The following TDRD9 variants were observed in gnomAD, a reference collection of about 807,000 sequenced individuals.
The protein encoded by TDRD9 is tudor domain containing 9.
A neutral mutation model predicts 172.6 loss-of-function variants in TDRD9; 124 were observed. That is an observed-to-expected ratio of 0.72 (90% CI 0.62 to 0.83). TDRD9 has a LOEUF of 0.83. Ranked by LOEUF, TDRD9 falls within the 40% of genes least tolerant of loss-of-function variation. TDRD9 has a pLI of 0.00. For synonymous variants in TDRD9, 619 were observed against 617.1 expected, an observed-to-expected ratio of 1.00 and a Z score of -0.05; for missense variants, 1,479 against 1,714.1, an observed-to-expected ratio of 0.86 and a Z score of 2.42.
intron 22 of TDRD9, 44 bp downstream of exon 22, chr14:104,016,132 C>A: frequency 1.5e-6 from 2 of 1,357,418 alleles, no homozygotes; most frequent in Non-Finnish European, 2.0e-6. Context: ...TGTGGTGGGG[C>A]AGAACATTTT....
Position 104,042,206 on chromosome 14 carries a change from C to A in TDRD9, c.3974+19C>A. The A allele has an allele frequency of 6.5e-7, 1 of 1,540,258 alleles. No individual in the cohort carries two copies. The highest frequency in any genetic ancestry group is 9.0e-7 in the Non-Finnish European group (1 of 1,113,938). ...TTTTAGGGTAAGCTGTGTGATGACG[C>A]GGGCTTCTTTTCTTCCCAGTCAACT... On this transcript the variant is annotated intron_variant, in intron 34 of 35. Coordinates refer to ENST00000409874, the MANE Select transcript of TDRD9 (RefSeq NM_153046.3).
rs757851866 is a variant in TDRD9 at position 103,975,497 on chromosome 14, C to T, written c.955C>T (p.Pro319Ser). 5.0e-6 allele frequency: 8 copies of T among 1,613,340 alleles called. No individual in the cohort carries two copies. In the Admixed American group the frequency reaches 1.3e-4, roughly 27 times the overall value. The change falls in exon 7 of 36, where the codon CCC (proline) becomes TCC (serine). Residue 319 changes from proline (P) to serine (S), a missense_variant. Physicochemically the swap from Pro to Ser is moderately conservative, Grantham distance 74. Coordinates refer to ENST00000409874, the MANE Select transcript of TDRD9 (RefSeq NM_153046.3). ...ATATATTTTTGAAGTGGAAGGCAAG[C>T]CCCATTCAGTTGAAGAGTATTATCT... ...PAYIFEVEGK[P>S]HSVEEYYLND... is the part of the protein sequence containing the mutation.
At chr14:104,046,320 T>G (rs2140932547) in intron 34 of TDRD9, among the ~76,000 whole-genome samples, 1 of 152,366 alleles carries the variant, frequency 6.6e-6, no homozygotes, top group Non-Finnish European at 1.5e-5. Flanking sequence ...CTTGTTAAAC[T>G]GAAGGTCACA....
intron 2 of TDRD9, among the ~76,000 whole-genome samples, chr14:103,962,835 T>C (rs183373869): frequency 6.6e-6 from 1 of 152,344 alleles, no homozygotes; most frequent in East Asian, 1.9e-4. Context: ...GGCTGCATAT[T>C]ATTCCATGGT....
intron 13 of TDRD9, among the ~76,000 whole-genome samples, chr14:104,001,397 C>T (rs920503925): frequency 6.6e-6 from 1 of 152,220 alleles, no homozygotes; most frequent in Non-Finnish European, 1.5e-5. Flanking sequence ...ACAAGCTGCA[C>T]GTAGCAGTGG....
intron 23 of TDRD9, among the ~76,000 whole-genome samples, chr14:104,018,838 T>A (rs2152235702): frequency 6.6e-6 from 1 of 152,320 alleles, no homozygotes; most frequent in Admixed American, 6.5e-5. Context: ...GCTTTGTAAA[T>A]AAGAACAAAC....
intron 3 of TDRD9, among the ~76,000 whole-genome samples, chr14:103,965,073 G>A (rs2032674888): frequency 6.6e-6 from 1 of 152,018 alleles, no homozygotes; most frequent in Admixed American, 6.5e-5. Flanking sequence ...TTAGCTGGGT[G>A]TGGTGGTACA....
chr14:103,995,713 A>T (rs751947027), intron 11 of TDRD9, 37 bp from the exon 12 acceptor site: 1 of 1,550,472 alleles, frequency 6.4e-7, no homozygotes, highest in Non-Finnish European at 8.7e-7. Context: ...TTCGGAATAT[A>T]GTAGGAATGT....
chr14:104,043,392 C>G (rs2035666954), intron 34 of TDRD9, among the ~76,000 whole-genome samples: 1 of 152,092 alleles, frequency 6.6e-6, no homozygotes, highest in African/African-American at 2.4e-5. Flanking sequence ...AGGCACCCAC[C>G]ACCATGCCCA....
At chr14:103,940,733 C>T in intron 1 of TDRD9, 1 of 1,026,906 alleles carries the variant, frequency 9.7e-7, no homozygotes, top group Admixed American at 2.5e-5. Flanking sequence ...AACTTGAAGT[C>T]ACATCACTTT....
chr14:104,004,369 ATTTATTTATTT>A, intron 14 of TDRD9, 34 bp downstream of exon 14: 1 of 298,174 alleles, frequency 3.4e-6, no homozygotes. Flanking sequence ...AAGTTTATTT[ATTTATTTATTT>A]ATTTATTTAT....
chr14:104,051,394 A>G (rs191273350), intron 35 of TDRD9, among the ~76,000 whole-genome samples: 10 of 152,306 alleles, frequency 6.6e-5, no homozygotes, highest in Admixed American at 6.5e-4. Flanking sequence ...GCTATTGTGA[A>G]TAGTGCTGTG....
At chr14:103,990,062 C>T (rs544444115) in intron 8 of TDRD9, among the ~76,000 whole-genome samples, 56 of 152,348 alleles carry the variant, frequency 3.7e-4, no homozygotes, top group Admixed American at 2.5e-3. Flanking sequence ...CCACCCAAAG[C>T]GGTACCACCA....
chr14:104,012,763 G>T (rs891414422), intron 20 of TDRD9, among the ~76,000 whole-genome samples: 1 of 151,830 alleles, frequency 6.6e-6, no homozygotes, highest in African/African-American at 2.4e-5. Context: ...TTAGAGACAG[G>T]GTCTTTGTCT....
chr14:103,965,572 G>C lies in TDRD9; in HGVS notation c.642+18G>C. The C allele has an allele frequency of 2.0e-6, 3 of 1,517,830 alleles. No homozygotes were observed. The highest frequency in any genetic ancestry group is 2.7e-6 in the Non-Finnish European group (3 of 1,118,904). The allele number at this position is 1,517,830 out of a possible 1,614,324, so 94.0% of individuals were successfully genotyped here. On this transcript the variant is annotated intron_variant, in intron 4 of 35. Transcript: ENST00000409874. ...GCTACCAGGTGAGACTGGGAGGGAG[G>C]GAGGGACTAAGAGAGCCAGCTGTCT...
Position 103,938,738 on chromosome 14 carries a change from C to A in TDRD9, c.215+10014C>A, listed in dbSNP as rs1224373150. On this transcript the variant is annotated intron_variant, in intron 1 of 35. Transcript: ENST00000409874. ...AGGCGTGAGCCACCGTGCCCGGCCCCCCTTTATATTTTCAATCCTGATTCC... is the reference window on the plus strand; with the variant it reads ...AGGCGTGAGCCACCGTGCCCGGCCCACCTTTATATTTTCAATCCTGATTCC... 4.6e-5 allele frequency among the ~76,000 whole-genome samples: 7 copies of A among 151,760 alleles called. No homozygotes were observed. In the East Asian group the frequency reaches 1.4e-3, roughly 29 times the overall value.
chr14:103,990,607 G>A (rs757790499), intron 8 of TDRD9, among the ~76,000 whole-genome samples: 3 of 152,178 alleles, frequency 2.0e-5, no homozygotes, highest in Non-Finnish European at 4.4e-5. Flanking sequence ...TGTCTCTCCA[G>A]TTAGAATGTA....
At chr14:104,003,048 A>T (rs950991739) in intron 13 of TDRD9, among the ~76,000 whole-genome samples, 1 of 151,874 alleles carries the variant, frequency 6.6e-6, no homozygotes, top group Non-Finnish European at 1.5e-5. Context: ...CTTTTGGTCA[A>T]CCTGTCAAGA....
chr14:103,940,810 C>G, intron 1 of TDRD9: 2 of 1,533,470 alleles, frequency 1.3e-6, no homozygotes, highest in Non-Finnish European at 1.7e-6. Flanking sequence ...AGTAACTTAA[C>G]TAGATGGGTG....
Sources: gnomAD v4.1 joint callset for allele counts (sites outside exome capture counted in the v4.1 genomes callset) on GRCh38, gnomAD v4.1.1 for gene constraint, MANE v1.5 for transcripts, NCBI Gene and HGNC (gene_info 2026-07-23, HGNC 2026-07-21) for gene names.